RBFOX1: variants seen among roughly 807,000 people sequenced by gnomAD.
The protein encoded by RBFOX1 is RNA binding protein fox-1 homolog 1.
Under a neutral mutation model 57.7 loss-of-function variants are expected in RBFOX1, and 8 were observed. That is an observed-to-expected ratio of 0.14 (90% confidence interval 0.08 to 0.25). RBFOX1 has a LOEUF of 0.25. RBFOX1 is among the 10% of genes least tolerant of loss of function. The pLI, the probability that RBFOX1 is intolerant of heterozygous loss-of-function variation, is 1.00. For missense variants in RBFOX1, 611 were observed against 548.5 expected (o/e 1.11, Z -1.14); for synonymous variants, 326 against 222.4 (o/e 1.47, Z -4.15).
At chr16:7,592,877 T>G (rs534823060) in intron 7 of RBFOX1, among the ~76,000 whole-genome samples, 1 of 152,190 alleles carries the variant, frequency 6.6e-6, no homozygotes, top group Admixed American at 6.5e-5. Context: ...AGGGGTACAA[T>G]CACAGCTCAC....
intron 2 of RBFOX1, among the ~76,000 whole-genome samples, chr16:5,580,212 G>A (rs1030129130): frequency 1.3e-5 from 2 of 152,228 alleles, no homozygotes; most frequent in Non-Finnish European, 2.9e-5. Flanking sequence ...AACAATGGAT[G>A]CATGAATAAC....
chr16:5,419,272 C>G (rs965716743), intron 1 of RBFOX1, among the ~76,000 whole-genome samples: 1 of 152,148 alleles, frequency 6.6e-6, no homozygotes, highest in African/African-American at 2.4e-5. Context: ...AGTAGGCCGT[C>G]TACAAGCTGA....
chr16:5,300,043 A>G (rs1246440209), intron 1 of RBFOX1, among the ~76,000 whole-genome samples: 1 of 151,092 alleles, frequency 6.6e-6, no homozygotes, highest in Non-Finnish European at 1.5e-5. Flanking sequence ...TTTTTTGGGC[A>G]TATATTGAGA....
chr16:6,500,486 G>C (rs1028650058), intron 2 of RBFOX1, among the ~76,000 whole-genome samples: 2 of 152,112 alleles, frequency 1.3e-5, no homozygotes, highest in Non-Finnish European at 2.9e-5. Flanking sequence ...CCAAGGGTGA[G>C]AAGGTCTACA....
At chr16:6,616,765 G>T (rs373258853) in intron 2 of RBFOX1, among the ~76,000 whole-genome samples, 1 of 152,194 alleles carries the variant, frequency 6.6e-6, no homozygotes, top group Non-Finnish European at 1.5e-5. Flanking sequence ...GCAAAAGGCA[G>T]GGCTTTTCTG....
chr16:5,564,128 C>T (rs1330453334), intron 2 of RBFOX1, among the ~76,000 whole-genome samples: 1 of 152,142 alleles, frequency 6.6e-6, no homozygotes. Context: ...ATTCTCCTGC[C>T]TCAGCATCCA....
At position 6,144,598 on chromosome 16, in the gene RBFOX1, G is replaced by T. The variant is rs142454635; in HGVS notation, c.-127+124606G>T. On this transcript the variant is annotated intron_variant, in intron 1 of 15. Transcript: ENST00000550418. ...CCATGTAATTTCTTGTAATGCATCTGTAGCCAAGGGAGGTGACACATGTCA... is the reference window on the plus strand; with the variant it reads ...CCATGTAATTTCTTGTAATGCATCTTTAGCCAAGGGAGGTGACACATGTCA... 1.8e-3 allele frequency among the ~76,000 whole-genome samples: 270 copies of T among 152,310 alleles called. 1 individual carries two copies. Among genetic ancestry groups the T allele is most frequent in the African/African-American group, 5.8e-3 (243 of 41,560 alleles).
intron 3 of RBFOX1, among the ~76,000 whole-genome samples, chr16:6,922,271 A>G (rs1295549600): frequency 3.9e-5 from 6 of 152,096 alleles, no homozygotes; most frequent in Non-Finnish European, 5.9e-5. Flanking sequence ...ACATTGATAT[A>G]AACTGTAACT....
chr16:6,593,812 A>G (rs964585670), intron 2 of RBFOX1, among the ~76,000 whole-genome samples: 26 of 152,324 alleles, frequency 1.7e-4, no homozygotes, highest in South Asian at 1.0e-3. Context: ...CAGATTTTCA[A>G]TGAGGACTAC....
chr16:7,242,358 G>T (rs1007206570), intron 4 of RBFOX1, among the ~76,000 whole-genome samples: 1 of 152,198 alleles, frequency 6.6e-6, no homozygotes, highest in Non-Finnish European at 1.5e-5. Context: ...TTCTGATGCA[G>T]ACAGGTTGTG....
At chr16:5,737,935 C>A (rs2052637320) in intron 3 of RBFOX1, among the ~76,000 whole-genome samples, 1 of 152,054 alleles carries the variant, frequency 6.6e-6, no homozygotes, top group South Asian at 2.1e-4. Flanking sequence ...TACACATGTG[C>A]CACAGTGGCT....
intron 2 of RBFOX1, among the ~76,000 whole-genome samples, chr16:6,519,448 C>A (rs775534706): frequency 1.3e-5 from 2 of 152,124 alleles, no homozygotes; most frequent in Non-Finnish European, 2.9e-5. Flanking sequence ...TGGCTGTAAT[C>A]CCAGCACTTT....
At chr16:7,255,782 A>G (rs1181226245) in intron 4 of RBFOX1, among the ~76,000 whole-genome samples, 1 of 152,194 alleles carries the variant, frequency 6.6e-6, no homozygotes, top group Admixed American at 6.5e-5. Context: ...AATATTAACA[A>G]TATATTTTAC....
At chr16:7,077,524 T>G (rs1220378696) in intron 4 of RBFOX1, among the ~76,000 whole-genome samples, 1 of 152,192 alleles carries the variant, frequency 6.6e-6, no homozygotes, top group East Asian at 1.9e-4. Flanking sequence ...TATGGTACAG[T>G]GAAATGCTGG....
chr16:7,090,456 G>T (rs1302306119), intron 4 of RBFOX1, among the ~76,000 whole-genome samples: 1 of 152,092 alleles, frequency 6.6e-6, no homozygotes, highest in Non-Finnish European at 1.5e-5. Context: ...TATTTGAAAG[G>T]TAAAGAAATG....
intron 4 of RBFOX1, among the ~76,000 whole-genome samples, chr16:7,105,593 C>G (rs903721465): frequency 2.6e-5 from 4 of 152,046 alleles, no homozygotes; most frequent in African/African-American, 9.7e-5. Flanking sequence ...GTTTTGCATT[C>G]CTGAGTTAGT....
Position 5,852,192 on chromosome 16 carries a change from C to T in RBFOX1, c.319-15111C>T, listed in dbSNP as rs967060580. On this transcript the variant is annotated intron_variant, in intron 3 of 19. Coordinates refer to the RBFOX1 transcript ENST00000641259. ...GGAAAGCTTCCTTATCTTCCAAGAT[C>T]GTGCCTTCAAGTTCATGCCTCCTAG... Among the ~76,000 whole-genome samples, 13 of 152,098 alleles carry T rather than the reference C, an allele frequency of 8.5e-5. No homozygotes were observed. The East Asian group carries it at 1.7e-3, about 20-fold the overall frequency.
At chr16:6,935,677 T>C (rs2077245510) in intron 3 of RBFOX1, among the ~76,000 whole-genome samples, 1 of 152,184 alleles carries the variant, frequency 6.6e-6, no homozygotes, top group South Asian at 2.1e-4. Flanking sequence ...ATGTGCCTTA[T>C]TCAAAGGGTG....
intron 4 of RBFOX1, among the ~76,000 whole-genome samples, chr16:7,300,375 C>T (rs2096003774): frequency 6.6e-6 from 1 of 152,180 alleles, no homozygotes. Context: ...ACTCAAAGTG[C>T]TTTTGATACA....
Sources: allele counts gnomAD v4.1 joint callset (sites outside exome capture counted in the v4.1 genomes callset), GRCh38; gene constraint gnomAD v4.1.1; transcripts MANE v1.5; gene names NCBI Gene and HGNC (gene_info 2026-07-23, HGNC 2026-07-21).